Variants in CDK14 observed in about 807,000 individuals in gnomAD.
The protein encoded by CDK14 is cyclin-dependent kinase 14.
A neutral mutation model predicts 60.7 loss-of-function variants in CDK14; 34 were observed. That is an observed-to-expected ratio of 0.56 (90% CI 0.43 to 0.75). The LOEUF is 0.75. Ranked by LOEUF, CDK14 falls within the 30% of genes least tolerant of loss-of-function variation. CDK14 has a pLI of 0.00. For missense variants in CDK14, 482 were observed against 564.1 expected, an observed-to-expected ratio of 0.85 and a Z score of 1.47; for synonymous variants, 197 against 203.7, an observed-to-expected ratio of 0.97 and a Z score of 0.28.
intron 2 of CDK14, among the ~76,000 whole-genome samples, chr7:90,715,873 G>T (rs79891610): frequency 0.011 from 1,618 of 151,634 alleles, 39 homozygotes; most frequent in African/African-American, 0.037. Flanking sequence ...CGCTTGCTCT[G>T]CTTGGAGCTT....
intron 5 of CDK14, among the ~76,000 whole-genome samples, chr7:90,800,907 C>T (rs983408337): frequency 2.6e-5 from 4 of 152,252 alleles, no homozygotes; most frequent in East Asian, 1.9e-4. Flanking sequence ...TTTGGCTTAT[C>T]GTTACATCAC....
intron 13 of CDK14, among the ~76,000 whole-genome samples, chr7:91,113,492 A>G (rs803160): frequency 0.44 from 66,576 of 152,062 alleles, 16,213 homozygotes; most frequent in Non-Finnish European, 0.56. Flanking sequence ...ATTCTTGTGA[A>G]ATTTTGTAAA....
At chr7:91,085,020 A>G (rs1798596344) in intron 12 of CDK14, among the ~76,000 whole-genome samples, 1 of 152,216 alleles carries the variant, frequency 6.6e-6, no homozygotes. Flanking sequence ...TAGAAGCATA[A>G]ACTGTAGGAG....
intron 5 of CDK14, among the ~76,000 whole-genome samples, chr7:90,799,802 T>C (rs189392311): frequency 6.6e-6 from 1 of 152,134 alleles, no homozygotes; most frequent in East Asian, 1.9e-4. Flanking sequence ...GAATTTATGC[T>C]TCATTTTCAT....
chr7:90,852,545 T>TCCC (rs1364268373), intron 5 of CDK14, among the ~76,000 whole-genome samples: 1 of 152,162 alleles, frequency 6.6e-6, no homozygotes, highest in Non-Finnish European at 1.5e-5. Flanking sequence ...AGGCTGGGAC[T>TCCC]CCCCAGTCTT....
intron 10 of CDK14, among the ~76,000 whole-genome samples, chr7:91,042,014 G>C (rs74764590): frequency 6.6e-6 from 1 of 152,176 alleles, no homozygotes; most frequent in Non-Finnish European, 1.5e-5. Context: ...GTTCTAAATA[G>C]AAGTTTGCAT....
At chr7:91,075,815 G>A (rs116679961) in intron 11 of CDK14, among the ~76,000 whole-genome samples, 2,450 of 151,870 alleles carry the variant, frequency 0.016, 65 homozygotes, top group African/African-American at 0.055. Context: ...GCATTCCTAC[G>A]TACCAACAAT....
intron 14 of CDK14, among the ~76,000 whole-genome samples, chr7:91,173,981 T>G (rs1057298201): frequency 2.0e-5 from 3 of 152,198 alleles, no homozygotes; most frequent in South Asian, 2.1e-4. Context: ...TGCCTGCCTC[T>G]GTAGGCTCCA....
chr7:90,917,866 C>CTT, intron 8 of CDK14, 142 bp downstream of exon 8: 1 of 739,492 alleles, frequency 1.4e-6, no homozygotes, highest in East Asian at 2.8e-5. Flanking sequence ...AGGATTTTTT[C>CTT]TTTTTTTTAA....
chr7:91,120,325 T>C (rs952594251), intron 14 of CDK14, among the ~76,000 whole-genome samples: 5 of 151,306 alleles, frequency 3.3e-5, no homozygotes, highest in African/African-American at 9.7e-5. Flanking sequence ...AGGTTGCTAA[T>C]TGAAAAGAGA....
intron 6 of CDK14, among the ~76,000 whole-genome samples, chr7:90,893,244 T>G (rs3779568): frequency 0.57 from 86,010 of 151,864 alleles, 24,601 homozygotes; most frequent in East Asian, 0.73. Context: ...ATAGCAATGG[T>G]GATGGAGTAA....
rs558116981 is a variant in CDK14, at chr7:91,038,532, C to T, written c.1042-7365C>T. On this transcript the variant is annotated intron_variant, in intron 10 of 14. Transcript: ENST00000380050. ...TAATGGTATATTATGGTGATTGTGC[C>T]CCAATATGCAGGGGCTTGTCCTGAG... is the stretch of plus-strand genomic sequence containing the variant. 2.2e-4 allele frequency among the ~76,000 whole-genome samples: 34 copies of T among 152,172 alleles called. No individual in the cohort carries two copies. In the East Asian group the frequency reaches 6.4e-3, roughly 28 times the overall value.
intron 11 of CDK14, among the ~76,000 whole-genome samples, chr7:91,059,390 G>A (rs1022802055): frequency 6.6e-6 from 1 of 151,916 alleles, no homozygotes. Context: ...AGGGTTTTTT[G>A]TGTCTCTATT....
intron 2 of CDK14, chr7:90,710,635 G>C (rs907703387): frequency 2.5e-6 from 2 of 787,866 alleles, no homozygotes; most frequent in Non-Finnish European, 3.1e-6. Context: ...ATAATTCTTC[G>C]TGCAGTTCTG....
At chr7:91,170,413 T>C (rs1287264424) in intron 14 of CDK14, among the ~76,000 whole-genome samples, 1 of 152,228 alleles carries the variant, frequency 6.6e-6, no homozygotes, top group East Asian at 1.9e-4. Flanking sequence ...TACTGCTTAG[T>C]TCTGATGATG....
chr7:91,091,560 T>A (rs1042375454), intron 12 of CDK14, among the ~76,000 whole-genome samples: 3 of 142,366 alleles, frequency 2.1e-5, no homozygotes, highest in African/African-American at 8.2e-5. Context: ...TCCCAGCTAC[T>A]TGGGAGGCTG....
At chr7:90,708,682 C>T (rs1299969719) in intron 2 of CDK14, among the ~76,000 whole-genome samples, 1 of 152,162 alleles carries the variant, frequency 6.6e-6, no homozygotes, top group Non-Finnish European at 1.5e-5. Flanking sequence ...TGAGGTTTCT[C>T]ATCATCATTG....
intron 2 of CDK14, among the ~76,000 whole-genome samples, chr7:90,619,616 GT>G (rs879523333): frequency 6.6e-6 from 1 of 152,098 alleles, no homozygotes; most frequent in Non-Finnish European, 1.5e-5. Context: ...ATTTCTGTTG[GT>G]TTTTTAAAGC....
At chr7:91,040,212 G>A (rs971427501) in intron 10 of CDK14, among the ~76,000 whole-genome samples, 1 of 152,172 alleles carries the variant, frequency 6.6e-6, no homozygotes, top group Non-Finnish European at 1.5e-5. Flanking sequence ...CAAGCTCCAG[G>A]TGGCTCCTCT....
Sources: allele counts gnomAD v4.1 joint callset (sites outside exome capture counted in the v4.1 genomes callset), GRCh38; gene constraint gnomAD v4.1.1; transcripts MANE v1.5; gene names NCBI Gene and HGNC (gene_info 2026-07-23, HGNC 2026-07-21).